The following XK variants were observed in gnomAD, a reference collection of about 807,000 sequenced individuals.
XK encodes X-linked Kx blood group antigen, Kell and VPS13A binding protein.
In XK, 2 loss-of-function variants were observed where a neutral mutation model predicts 14.0. That is an observed-to-expected ratio of 0.14 (90% CI 0.06 to 0.45). XK has a LOEUF of 0.45. Ranked by LOEUF, XK falls within the 20% of genes least tolerant of loss-of-function variation. The pLI is 0.98. For missense variants in XK, 235 were observed against 341.5 expected (o/e 0.69, Z 2.46); for synonymous variants, 149 against 147.5 (o/e 1.01, Z -0.08).
At chrX:37,701,090 A>G (rs980481119) in intron 2 of XK, among the ~76,000 whole-genome samples, 19 of 112,204 alleles carry the variant, frequency 1.7e-4, no homozygotes, top group African/African-American at 5.5e-4. Context: ...AAGTAGTAAC[A>G]TTATATAAAA....
chrX:37,722,855 G>A (rs1214368599), intron 2 of XK, among the ~76,000 whole-genome samples: 2 of 111,497 alleles, frequency 1.8e-5, no homozygotes, highest in Non-Finnish European at 3.8e-5. Flanking sequence ...AGGAATTCTG[G>A]GGAAGAAAAT....
chrX:37,718,338 A>C (rs570130056), intron 2 of XK, among the ~76,000 whole-genome samples: 64 of 111,827 alleles, frequency 5.7e-4, no homozygotes, highest in South Asian at 4.4e-3. Flanking sequence ...ATGTAAATGG[A>C]ATCAGGGTTC....
intron 2 of XK, among the ~76,000 whole-genome samples, chrX:37,721,515 C>T (rs1263220549): frequency 9.0e-6 from 1 of 111,138 alleles, no homozygotes; most frequent in Non-Finnish European, 1.9e-5. Flanking sequence ...ATTTCACACC[C>T]ATTAGAATGG....
At position 37,704,791 on chromosome X, in the gene XK, C is replaced by T. The variant is rs149932419; in HGVS notation, c.508+10243C>T. Among the ~76,000 whole-genome samples, 139 of 111,065 alleles carry T rather than the reference C, an allele frequency of 1.3e-3. No individual in the cohort carries two copies. In the East Asian group the frequency reaches 0.014, roughly 11 times the overall value. On this transcript the variant is annotated intron_variant, in intron 2 of 2. Coordinates refer to ENST00000378616, the MANE Select transcript of XK (RefSeq NM_021083.4). ...TGGAGGTGGCAGTGGGCCGAGGTCACGCCATTGCACTCCAGCCTGGGCAAC... is the reference window on the plus strand; with the variant it reads ...TGGAGGTGGCAGTGGGCCGAGGTCATGCCATTGCACTCCAGCCTGGGCAAC...
In XK at chrX:37,730,892, C is replaced by A. The variant is rs781831233; in HGVS notation, c.*2430C>A. On this transcript the variant is annotated 3_prime_UTR_variant, in exon 3 of 3. Coordinates refer to ENST00000378616, the MANE Select transcript of XK (RefSeq NM_021083.4). Reference sequence around the variant, plus strand: ...TGTCCGACACCCAAAGCCCACTTCACACATTTATAAGGACAGAGATTTGGT... The same window carrying A: ...TGTCCGACACCCAAAGCCCACTTCAAACATTTATAAGGACAGAGATTTGGT... 2 of 112,144 alleles carry A rather than the reference C, an allele frequency of 1.8e-5. No homozygotes were observed. Among genetic ancestry groups the A allele is most frequent in the South Asian group, 7.4e-4 (2 of 2,699 alleles). The allele number at this position is 112,144 out of a possible 1,213,427, so 9.2% of individuals were successfully genotyped here. A position where few individuals can be genotyped will look rare whatever the true frequency, so the allele number is the denominator to read the frequency against.
At chrX:37,692,644 G>T (rs782128130) in intron 1 of XK, among the ~76,000 whole-genome samples, 140 of 111,617 alleles carry the variant, frequency 1.3e-3, no homozygotes, top group Middle Eastern at 9.3e-3. Flanking sequence ...CAGGTGATCC[G>T]CCTGCCTCAG....
chrX:37,729,081 CTT>C lies in XK; in HGVS notation c.*621_*622del, dbSNP rs1440303784. The C allele has an allele frequency of 9.0e-6, 1 of 111,194 alleles. No homozygotes were observed. The highest frequency in any genetic ancestry group is 3.3e-5 in the African/African-American group (1 of 30,513). The allele number at this position is 111,194 out of a possible 1,213,427, so 9.2% of individuals were successfully genotyped here. On this transcript the variant is annotated 3_prime_UTR_variant, in exon 3 of 3. Coordinates refer to ENST00000378616, the MANE Select transcript of XK (RefSeq NM_021083.4). ...TGATTCAAGGGCCTAGATTTGGAGACTTTGTTCCTTAGCATCCATGGATGCAG... is the reference window on the plus strand; with the variant it reads ...TGATTCAAGGGCCTAGATTTGGAGACTGTTCCTTAGCATCCATGGATGCAG...
At chrX:37,689,997 G>GA (rs1927172663) in intron 1 of XK, among the ~76,000 whole-genome samples, 1 of 111,298 alleles carries the variant, frequency 9.0e-6, no homozygotes, top group South Asian at 3.7e-4. Context: ...GTATAGTGAG[G>GA]AAAAAATGGT....
Position 37,687,272 on chromosome X carries a change from AT to A in XK, c.245+1079del, listed in dbSNP as rs113919955. On this transcript the variant is annotated intron_variant, in intron 1 of 2. Coordinates refer to ENST00000378616, the MANE Select transcript of XK (RefSeq NM_021083.4). The stretch of plus-strand genomic sequence containing the variant: ...GCAAGATAAATTTTACAAAGTTATA[AT>A]TTTTTTTTTTTTGAGACAAGGTCTT... 2.9e-3 allele frequency among the ~76,000 whole-genome samples: 288 copies of A among 99,236 alleles called. 2 individuals are homozygous for A. Among genetic ancestry groups the A allele is most frequent in the African/African-American group, 7.3e-3 (200 of 27,370 alleles). The allele number at this position is 99,236 out of a possible 115,157, so 86.2% of individuals were successfully genotyped here. A position where few individuals can be genotyped will look rare whatever the true frequency, so the allele number is the denominator to read the frequency against.
chrX:37,700,024 C>T (rs1431142010), intron 2 of XK, among the ~76,000 whole-genome samples: 2 of 111,567 alleles, frequency 1.8e-5, no homozygotes, highest in Admixed American at 9.5e-5. Flanking sequence ...CTTCCCTGCT[C>T]CACAAAAGCC....
intron 2 of XK, among the ~76,000 whole-genome samples, chrX:37,713,843 A>C (rs1927713635): frequency 8.9e-6 from 1 of 112,118 alleles, no homozygotes; most frequent in Admixed American, 9.4e-5. Flanking sequence ...TGTCTGTGAC[A>C]GAGAATAAGT....
intron 2 of XK, among the ~76,000 whole-genome samples, chrX:37,703,065 A>G (rs1409349352): frequency 5.3e-5 from 6 of 112,156 alleles, no homozygotes; most frequent in Non-Finnish European, 9.4e-5. Flanking sequence ...CCAGCTCTCA[A>G]TGTCCATACT....
intron 2 of XK, among the ~76,000 whole-genome samples, chrX:37,698,543 CAAAAAA>C (rs35497516): frequency 3.7e-5 from 1 of 26,990 alleles, no homozygotes; most frequent in Non-Finnish European, 7.0e-5. Context: ...GACCTTGCCT[CAAAAAA>C]AAAAAAAAAA....
chrX:37,688,260 G>T (rs1421722664), intron 1 of XK, among the ~76,000 whole-genome samples: 1 of 108,889 alleles, frequency 9.2e-6, no homozygotes, highest in Non-Finnish European at 1.9e-5. Context: ...TAGAGACGGG[G>T]TTTCACCGTG....
intron 2 of XK, among the ~76,000 whole-genome samples, chrX:37,718,015 T>C (rs1343446202): frequency 8.9e-6 from 1 of 111,925 alleles, no homozygotes; most frequent in Non-Finnish European, 1.9e-5. Flanking sequence ...TGTAATCTAA[T>C]AAACATTTAT....
At chrX:37,724,952 T>C (rs1927948766) in intron 2 of XK, among the ~76,000 whole-genome samples, 1 of 111,505 alleles carries the variant, frequency 9.0e-6, no homozygotes, top group East Asian at 2.8e-4. Flanking sequence ...AATAATGAGG[T>C]ACCACTATAT....
rs1268005210 is a variant in XK, at chrX:37,731,664, G to T, written c.*3202G>T. On this transcript the variant is annotated 3_prime_UTR_variant, in exon 3 of 3. Coordinates refer to ENST00000378616, the MANE Select transcript of XK (RefSeq NM_021083.4). Reference sequence around the variant, plus strand: ...TTCCTGAGTGGATATGCGAATCTTTGGTCTTCTCGACAGGTGCCCTTTCTC... The same window carrying T: ...TTCCTGAGTGGATATGCGAATCTTTTGTCTTCTCGACAGGTGCCCTTTCTC... 1 of 111,525 alleles carries T rather than the reference G, an allele frequency of 9.0e-6. No homozygotes were observed. Among genetic ancestry groups the T allele is most frequent in the Non-Finnish European group, 1.9e-5 (1 of 53,030 alleles). 9.2% of individuals were successfully genotyped at this position (111,525 alleles called of 1,213,427 possible). A position where few individuals can be genotyped will look rare whatever the true frequency, so the allele number is the denominator to read the frequency against.
intron 2 of XK, among the ~76,000 whole-genome samples, chrX:37,707,367 A>G (rs1927554557): frequency 9.2e-6 from 1 of 109,043 alleles, no homozygotes; most frequent in Non-Finnish European, 1.9e-5. Flanking sequence ...CTCACTTCCC[A>G]GACGGGGTGG....
intron 2 of XK, among the ~76,000 whole-genome samples, chrX:37,712,254 G>C (rs1365588485): frequency 9.0e-6 from 1 of 111,560 alleles, no homozygotes; most frequent in Admixed American, 9.5e-5. Flanking sequence ...GATCTACTTT[G>C]GCCAGACACG....
Sources: allele counts gnomAD v4.1 joint callset (sites outside exome capture counted in the v4.1 genomes callset), GRCh38; gene constraint gnomAD v4.1.1; transcripts MANE v1.5; gene names NCBI Gene and HGNC (gene_info 2026-07-23, HGNC 2026-07-21).